MACIR: variants seen among roughly 807,000 people sequenced by gnomAD.
MACIR encodes UNC119-binding protein C5orf30.
A neutral mutation model predicts 14.3 loss-of-function variants in MACIR; 4 were observed. That is an observed-to-expected ratio of 0.28 (90% CI 0.14 to 0.64). The LOEUF (loss-of-function observed/expected upper bound fraction) is 0.64. MACIR is among the 30% of genes least tolerant of loss of function. MACIR has a pLI of 0.83. For synonymous variants in MACIR, 101 were observed against 102.4 expected (o/e 0.99, Z 0.08); for missense variants, 228 against 257.6 (o/e 0.89, Z 0.79).
At position 103,258,811 on chromosome 5, in the gene MACIR, G is replaced by C. The variant is rs184100317; in HGVS notation, c.-199G>C. 2 of 152,514 alleles carry C rather than the reference G, an allele frequency of 1.3e-5. No individual in the cohort carries two copies. Among genetic ancestry groups the C allele is most frequent in the East Asian group, 1.9e-4 (1 of 5,172 alleles). The allele number at this position is 152,514 out of a possible 1,614,324, so 9.4% of individuals were successfully genotyped here. A position where few individuals can be genotyped will look rare whatever the true frequency, so the allele number is the denominator to read the frequency against. ...GGCTGGCGGCCTCTGCCTGGATCTC[G>C]GCGCCGCAGTCCTGCGCCTCTCCCG... is the stretch of plus-strand genomic sequence containing the variant. On this transcript the variant is annotated 5_prime_UTR_variant, in exon 1 of 3. Transcript: ENST00000319933.
chr5:103,274,040 C>T (rs1805232156), intron 2 of MACIR, among the ~76,000 whole-genome samples: 5 of 152,120 alleles, frequency 3.3e-5, no homozygotes, highest in Admixed American at 6.5e-5. Context: ...CACTGACCCT[C>T]CTTTCCTTCT....
intron 2 of MACIR, among the ~76,000 whole-genome samples, chr5:103,267,218 G>A (rs931872839): frequency 6.6e-6 from 1 of 152,102 alleles, no homozygotes; most frequent in Admixed American, 6.6e-5. Context: ...GTAAGTCTCT[G>A]ATACAAAAAT....
chr5:103,266,152 C>G (rs1289741130), intron 2 of MACIR, among the ~76,000 whole-genome samples, 155 bp downstream of exon 2: 1 of 152,052 alleles, frequency 6.6e-6, no homozygotes, highest in Admixed American at 6.6e-5. Flanking sequence ...AATATGTATA[C>G]TATAATTACA....
In MACIR at chr5:103,276,624, T is replaced by C; in HGVS notation, c.*84T>C. On this transcript the variant is annotated 3_prime_UTR_variant, in exon 3 of 3. Transcript: ENST00000319933. ...CACTGCTGTACTCTGTACATGACTCTTCACACTATAGATGGTTATATCAGC... is the reference window on the plus strand; with the variant it reads ...CACTGCTGTACTCTGTACATGACTCCTCACACTATAGATGGTTATATCAGC... The C allele has an allele frequency of 7.9e-7, 1 of 1,264,146 alleles. No individual in the cohort carries two copies. The highest frequency in any genetic ancestry group is 1.1e-6 in the Non-Finnish European group (1 of 913,066). The allele number at this position is 1,264,146 out of a possible 1,614,324, so 78.3% of individuals were successfully genotyped here. A position where few individuals can be genotyped will look rare whatever the true frequency, so the allele number is the denominator to read the frequency against.
At chr5:103,273,524 C>A (rs1554237308) in intron 2 of MACIR, among the ~76,000 whole-genome samples, 1 of 152,128 alleles carries the variant, frequency 6.6e-6, no homozygotes, top group African/African-American at 2.4e-5. Flanking sequence ...CTGCCTATTT[C>A]TCTAAACCGT....
At chr5:103,260,821 C>G (rs546960588) in intron 1 of MACIR, among the ~76,000 whole-genome samples, 1 of 152,152 alleles carries the variant, frequency 6.6e-6, no homozygotes, top group Non-Finnish European at 1.5e-5. Context: ...GGGATCAGCT[C>G]CTTTCCTCCA....
At chr5:103,272,033 A>G (rs1805149624) in intron 2 of MACIR, among the ~76,000 whole-genome samples, 1 of 152,184 alleles carries the variant, frequency 6.6e-6, no homozygotes, top group Non-Finnish European at 1.5e-5. Flanking sequence ...CACCTGTTGC[A>G]TGGTACCTGT....
intron 1 of MACIR, among the ~76,000 whole-genome samples, chr5:103,263,546 G>A (rs940895475): frequency 6.6e-6 from 1 of 152,020 alleles, no homozygotes; most frequent in East Asian, 1.9e-4. Flanking sequence ...TCTTTCTTTT[G>A]ATGTTGAAAA....
In MACIR at chr5:103,275,906, G is replaced by C. The variant is rs782357083; in HGVS notation, c.-14G>C. The C allele has an allele frequency of 6.2e-7, 1 of 1,606,046 alleles. No individual in the cohort carries two copies. The highest frequency in any genetic ancestry group is 2.2e-5 in the East Asian group (1 of 44,744). ...GTCTGTTTACTTTTAGGATTGTGCAGACTGGTGCTTAAAATGGAAGTCGAT... is the reference window on the plus strand; with the variant it reads ...GTCTGTTTACTTTTAGGATTGTGCACACTGGTGCTTAAAATGGAAGTCGAT... On this transcript the variant is annotated 5_prime_UTR_variant, in exon 3 of 3. Transcript: ENST00000319933.
chr5:103,259,448 C>G (rs1401966294), intron 1 of MACIR: 1 of 152,152 alleles, frequency 6.6e-6, no homozygotes, highest in Non-Finnish European at 1.5e-5. Flanking sequence ...TCCCGCACCG[C>G]GGGGCAGCGG....
intron 2 of MACIR, among the ~76,000 whole-genome samples, chr5:103,270,418 C>T (rs1376620194): frequency 1.3e-5 from 2 of 152,046 alleles, no homozygotes; most frequent in East Asian, 1.9e-4. Context: ...GAAGGATATA[C>T]CAAAATATTA....
chr5:103,272,455 T>G (rs1242005612), intron 2 of MACIR, among the ~76,000 whole-genome samples: 26 of 152,042 alleles, frequency 1.7e-4, no homozygotes, highest in African/African-American at 5.8e-4. Flanking sequence ...CTGCCCATTG[T>G]AAAAATAACC....
At chr5:103,271,442 G>T (rs1562549937) in intron 2 of MACIR, among the ~76,000 whole-genome samples, 1 of 151,892 alleles carries the variant, frequency 6.6e-6, no homozygotes, top group African/African-American at 2.4e-5. Flanking sequence ...TTGTGATTTG[G>T]ACCTATTTGC....
chr5:103,268,186 G>A (rs1804995561), intron 2 of MACIR, among the ~76,000 whole-genome samples: 1 of 151,994 alleles, frequency 6.6e-6, no homozygotes, highest in Non-Finnish European at 1.5e-5. Flanking sequence ...ATTTTTCTTG[G>A]GTTAGATATC....
chr5:103,271,707 A>G (rs782586799), intron 2 of MACIR, among the ~76,000 whole-genome samples: 1 of 152,020 alleles, frequency 6.6e-6, no homozygotes, highest in African/African-American at 2.4e-5. Context: ...GAAAAATTGT[A>G]TTGTTCCTGG....
In MACIR at chr5:103,276,693, T is replaced by C. The variant is rs576501712; in HGVS notation, c.*153T>C. 9 of 631,924 alleles carry C rather than the reference T, an allele frequency of 1.4e-5. No homozygotes were observed. The African/African-American group carries it at 1.7e-4, about 12-fold the overall frequency. The allele number at this position is 631,924 out of a possible 1,614,324, so 39.1% of individuals were successfully genotyped here. The stretch of plus-strand genomic sequence containing the variant: ...AAAAATTGTTTGGGTCAAATTTGAA[T>C]ACAGGAATGAAATCACAGGTACTTG... On this transcript the variant is annotated 3_prime_UTR_variant, in exon 3 of 3. Transcript: ENST00000319933.
At chr5:103,274,634 A>T (rs1805253924) in intron 2 of MACIR, among the ~76,000 whole-genome samples, 1 of 150,956 alleles carries the variant, frequency 6.6e-6, no homozygotes. Flanking sequence ...TAGAACATGC[A>T]TGTGGTGGAA....
intron 2 of MACIR, among the ~76,000 whole-genome samples, chr5:103,269,771 G>T (rs753404161): frequency 3.4e-4 from 52 of 152,124 alleles, no homozygotes; most frequent in Non-Finnish European, 6.0e-4. Flanking sequence ...GTGTGTTATG[G>T]TTTGGACCTG....
chr5:103,270,421 A>G (rs782547211), intron 2 of MACIR, among the ~76,000 whole-genome samples: 3 of 152,156 alleles, frequency 2.0e-5, no homozygotes, highest in East Asian at 1.9e-4. Context: ...GGATATACCA[A>G]AATATTAATA....
Sources: allele counts gnomAD v4.1 joint callset (sites outside exome capture counted in the v4.1 genomes callset), GRCh38; gene constraint gnomAD v4.1.1; transcripts MANE v1.5; gene names NCBI Gene and HGNC (gene_info 2026-07-23, HGNC 2026-07-21).